Variants in CIB4 observed in about 807,000 individuals in gnomAD.
CIB4 encodes calcium and integrin binding family member 4.
CIB4 carries 25 observed loss-of-function variants against 25.8 expected under a neutral mutation model. That is an observed-to-expected ratio of 0.97 (90% CI 0.71 to 1.35). The LOEUF (loss-of-function observed/expected upper bound fraction) is 1.35. CIB4 is among the 40% of genes most tolerant of loss of function. CIB4 has a pLI of 0.00. For missense variants in CIB4, 235 were observed against 228.2 expected, an observed-to-expected ratio of 1.03 and a Z score of -0.19; for synonymous variants, 75 against 81.4, an observed-to-expected ratio of 0.92 and a Z score of 0.42.
chr2:26,596,141 C>T (rs1468497878), intron 3 of CIB4, among the ~76,000 whole-genome samples: 1 of 152,170 alleles, frequency 6.6e-6, no homozygotes, highest in African/African-American at 2.4e-5. Context: ...TGTGGTTTTC[C>T]TAGATTCTGT....
At chr2:26,623,678 G>A (rs946067617) in intron 3 of CIB4, 25 of 394,684 alleles carry the variant, frequency 6.3e-5, no homozygotes, top group South Asian at 3.0e-4. Context: ...TAGCAGGGGC[G>A]GGTCTATGCG....
intron 3 of CIB4, among the ~76,000 whole-genome samples, chr2:26,619,516 G>C (rs894258113): frequency 9.2e-5 from 14 of 152,168 alleles, no homozygotes; most frequent in African/African-American, 3.1e-4. Flanking sequence ...AAAGCGACAG[G>C]GTGAAAGATC....
intron 3 of CIB4, among the ~76,000 whole-genome samples, chr2:26,616,041 C>T (rs950621497): frequency 2.6e-5 from 4 of 152,198 alleles, no homozygotes; most frequent in African/African-American, 9.6e-5. Flanking sequence ...AGCAAGGCTG[C>T]CGATTTCCAT....
At chr2:26,638,068 G>A (rs1669566841) in intron 2 of CIB4, among the ~76,000 whole-genome samples, 1 of 152,142 alleles carries the variant, frequency 6.6e-6, no homozygotes, top group South Asian at 2.1e-4. Context: ...GAGCTACCCA[G>A]GGGCAGGCAC....
Position 26,601,230 on chromosome 2 carries a change from AAATATATATATATAT to A in CIB4, c.187-5928_187-5914del, listed in dbSNP as rs1245526049. Among the ~76,000 whole-genome samples, 174 of 47,412 alleles carry A rather than the reference AAATATATATATATAT, an allele frequency of 3.7e-3. 10 individuals are homozygous for A. Among genetic ancestry groups the A allele is most frequent in the Middle Eastern group, 0.019 (2 of 108 alleles). 31.1% of individuals were successfully genotyped at this position (47,412 alleles called of 152,430 possible). A position where few individuals can be genotyped will look rare whatever the true frequency, so the allele number is the denominator to read the frequency against. On this transcript the variant is annotated intron_variant, in intron 3 of 6. Transcript: ENST00000288861. Reference sequence around the variant, plus strand: ...GTGAGACCATGTCAAAAAAAAAAAAAAATATATATATATATATATATATATATATATATATATATG... The same window carrying A: ...GTGAGACCATGTCAAAAAAAAAAAAAATATATATATATATATATATATATG...
At chr2:26,587,673 A>C (rs528130153) in intron 4 of CIB4, among the ~76,000 whole-genome samples, 1 of 152,364 alleles carries the variant, frequency 6.6e-6, no homozygotes, top group East Asian at 1.9e-4. Flanking sequence ...ATCTTAGTAT[A>C]TATAGTTATC....
chr2:26,620,298 C>A (rs115259616), intron 3 of CIB4, among the ~76,000 whole-genome samples: 1 of 152,216 alleles, frequency 6.6e-6, no homozygotes, highest in South Asian at 2.1e-4. Context: ...TCCCTGGTAG[C>A]GCTGGAAATA....
chr2:26,630,520 G>T (rs746397805), intron 2 of CIB4, among the ~76,000 whole-genome samples: 12 of 152,190 alleles, frequency 7.9e-5, no homozygotes, highest in Non-Finnish European at 1.8e-4. Flanking sequence ...TGTGAAGGAG[G>T]CTGAAGGGTA....
At chr2:26,601,231 A>AAAAAAAAAAAATATAT (rs1395827334) in intron 3 of CIB4, among the ~76,000 whole-genome samples, 1 of 17,230 alleles carries the variant, frequency 5.8e-5, no homozygotes, top group African/African-American at 1.5e-4. Flanking sequence ...AAAAAAAAAA[A>AAAAAAAAAAAATATAT]ATATATATAT....
intron 6 of CIB4, among the ~76,000 whole-genome samples, chr2:26,582,406 T>C (rs1668364264): frequency 6.6e-6 from 1 of 152,170 alleles, no homozygotes; most frequent in Non-Finnish European, 1.5e-5. Flanking sequence ...GAAATAGAAT[T>C]GGGTGCTTCT....
chr2:26,606,423 A>G (rs1237158508), intron 3 of CIB4, among the ~76,000 whole-genome samples: 6 of 152,112 alleles, frequency 3.9e-5, no homozygotes, highest in Non-Finnish European at 7.4e-5. Context: ...AGGGAGGGAG[A>G]TGTGGTGGAG....
chr2:26,589,066 CTCTTCCTCTTCTTCTTCTTCTTCTTCT>C (rs1668523933), intron 4 of CIB4, among the ~76,000 whole-genome samples: 1 of 46,304 alleles, frequency 2.2e-5, no homozygotes, highest in African/African-American at 6.9e-5. Context: ...CTTCCTCTTC[CTCTTCCTCTTCTTCTTCTTCTTCTTCT>C]TCTTCTTCTT....
intron 3 of CIB4, among the ~76,000 whole-genome samples, chr2:26,620,269 C>T (rs957235027): frequency 1.2e-4 from 18 of 152,260 alleles, no homozygotes; most frequent in African/African-American, 4.1e-4. Flanking sequence ...GAATCCCCTA[C>T]AGACTCTGCG....
intron 3 of CIB4, among the ~76,000 whole-genome samples, chr2:26,609,070 T>C (rs1347220014): frequency 6.6e-6 from 1 of 152,212 alleles, no homozygotes; most frequent in East Asian, 1.9e-4. Flanking sequence ...AGCACTGTTG[T>C]TAAATGGATG....
At chr2:26,602,835 G>A (rs1191426818) in intron 3 of CIB4, among the ~76,000 whole-genome samples, 1 of 152,104 alleles carries the variant, frequency 6.6e-6, no homozygotes, top group African/African-American at 2.4e-5. Context: ...TGAGGCGGGA[G>A]GCTCACTTGA....
At chr2:26,589,096 T>TTCTTCTTCC (rs1668529198) in intron 4 of CIB4, among the ~76,000 whole-genome samples, 8 of 61,154 alleles carry the variant, frequency 1.3e-4, no homozygotes, top group South Asian at 7.0e-4. Flanking sequence ...CTTCTTCTTC[T>TTCTTCTTCC]TCTTCTTCTT....
chr2:26,591,425 G>A (rs140079853), intron 4 of CIB4, among the ~76,000 whole-genome samples: 2 of 152,166 alleles, frequency 1.3e-5, no homozygotes. Flanking sequence ...CACAGAGAGA[G>A]GCAGAGATGA....
chr2:26,629,303 T>C, intron 3 of CIB4, 107 bp downstream of exon 3: 1 of 716,578 alleles, frequency 1.4e-6, no homozygotes, highest in Non-Finnish European at 2.4e-6. Context: ...GAGGTGACCA[T>C]CCCACAGCAC....
rs1425492176 is a variant in CIB4, at chr2:26,627,300, C to CA, written c.186+2109dup. On this transcript the variant is annotated intron_variant, in intron 3 of 6. Coordinates refer to ENST00000288861, the MANE Select transcript of CIB4 (RefSeq NM_001029881.3). This position sits in a 1 kb window ranked among gnomAD's most constrained non-coding sequence, Gnocchi z 4.0. ...GAGCAGGAACTAGTCCAGACTCTTCCATCATGTGGCCCCTTGGAAGTTGTT... is the reference window on the plus strand; with the variant it reads ...GAGCAGGAACTAGTCCAGACTCTTCCAATCATGTGGCCCCTTGGAAGTTGTT... Among the ~76,000 whole-genome samples, 3 of 152,196 alleles carry CA rather than the reference C, an allele frequency of 2.0e-5. No individual in the cohort carries two copies. Among genetic ancestry groups the CA allele is most frequent in the African/African-American group, 7.2e-5 (3 of 41,432 alleles).
Sources: gnomAD v4.1 joint callset for allele counts (sites outside exome capture counted in the v4.1 genomes callset) on GRCh38, gnomAD v4.1.1 for gene constraint, Gnocchi (gnomAD v3.1) non-coding constraint, MANE v1.5 for transcripts, NCBI Gene and HGNC (gene_info 2026-07-23, HGNC 2026-07-21) for gene names.